Variants in CSGALNACT2 observed in about 807,000 individuals in gnomAD.
CSGALNACT2 encodes beta 4 GalNAcT-2.
A neutral mutation model predicts 55.3 loss-of-function variants in CSGALNACT2; 35 were observed. The ratio of observed to expected loss-of-function variants is 0.63; its 90% CI spans 0.48 to 0.84. CSGALNACT2 has a LOEUF of 0.84. Ranked by LOEUF, CSGALNACT2 falls within the 40% of genes least tolerant of loss-of-function variation. CSGALNACT2 has a pLI of 0.00. For synonymous variants in CSGALNACT2, 196 were observed against 224.9 expected (o/e 0.87, Z 1.15); for missense variants, 544 against 657.5 (o/e 0.83, Z 1.89).
intron 5 of CSGALNACT2, among the ~76,000 whole-genome samples, chr10:43,165,467 T>C (rs1839244767): frequency 6.6e-6 from 1 of 152,106 alleles, no homozygotes; most frequent in South Asian, 2.1e-4. Context: ...AACATAATGT[T>C]GTACACCATT....
At chr10:43,172,080 G>C (rs773201795) in intron 6 of CSGALNACT2, among the ~76,000 whole-genome samples, 1 of 152,164 alleles carries the variant, frequency 6.6e-6, no homozygotes, top group Non-Finnish European at 1.5e-5. Context: ...TCTCTGAGTC[G>C]AGTTCTAAAC....
intron 4 of CSGALNACT2, chr10:43,163,662 G>A (rs1048834806): frequency 1.0e-6 from 1 of 985,288 alleles, no homozygotes; most frequent in African/African-American, 1.7e-5. Context: ...CCACCAACAT[G>A]TGCCTCAAAT....
intron 1 of CSGALNACT2, among the ~76,000 whole-genome samples, chr10:43,148,839 T>C (rs1197167586): frequency 6.6e-6 from 1 of 152,226 alleles, no homozygotes; most frequent in Non-Finnish European, 1.5e-5. Flanking sequence ...AGGATAGTTT[T>C]ACTTCTTCCT....
chr10:43,158,649 C>CT, intron 2 of CSGALNACT2, 66 bp from the exon 3 acceptor site: 1 of 932,046 alleles, frequency 1.1e-6, no homozygotes, highest in Non-Finnish European at 1.7e-6. Flanking sequence ...TGAGTAAAAT[C>CT]TGTCTTCCCA....
intron 2 of CSGALNACT2, among the ~76,000 whole-genome samples, chr10:43,157,836 C>G (rs1452578826): frequency 6.6e-6 from 1 of 151,986 alleles, no homozygotes; most frequent in African/African-American, 2.4e-5. Context: ...CAAGACCATC[C>G]TGGCCAACAT....
chr10:43,163,661 T>G, intron 4 of CSGALNACT2: 1 of 985,458 alleles, frequency 1.0e-6, no homozygotes, highest in African/African-American at 1.7e-5. Context: ...ACCACCAACA[T>G]GTGCCTCAAA....
Position 43,169,117 on chromosome 10 carries a change from C to T in CSGALNACT2, c.1254+2019C>T, listed in dbSNP as rs1406894543. Among the ~76,000 whole-genome samples the T allele has an allele frequency of 3.3e-5, 5 of 152,156 alleles. No homozygotes were observed. In the South Asian group the frequency reaches 6.2e-4, roughly 19 times the overall value. Reference sequence around the variant, plus strand: ...GGTCCCTGGAGCTGGAGAGGCTGGTCGGGGTGGCTAGGGAGCCCCTAGACT... The same window carrying T: ...GGTCCCTGGAGCTGGAGAGGCTGGTTGGGGTGGCTAGGGAGCCCCTAGACT... On this transcript the variant is annotated intron_variant, in intron 6 of 7. Coordinates refer to ENST00000374466, the MANE Select transcript of CSGALNACT2 (RefSeq NM_018590.5).
At chr10:43,150,152 T>G (rs566657796) in intron 1 of CSGALNACT2, among the ~76,000 whole-genome samples, 134 of 152,328 alleles carry the variant, frequency 8.8e-4, no homozygotes, top group African/African-American at 3.1e-3. Flanking sequence ...TTGTGAGTAG[T>G]TTTTTTATTA....
At position 43,157,791 on chromosome 10, in the gene CSGALNACT2, G is replaced by A. The variant is rs539220245; in HGVS notation, c.662-924G>A. 2.3e-3 allele frequency among the ~76,000 whole-genome samples: 353 copies of A among 152,222 alleles called. 1 individual carries two copies. The highest frequency in any genetic ancestry group is 6.8e-3 in the Middle Eastern group (2 of 294). On this transcript the variant is annotated intron_variant, in intron 2 of 7. Transcript: ENST00000374466. Reference sequence around the variant, plus strand: ...CACTCCTGTAATCCCAGCACTTTGGGAGGCCGAGGTGGGCAGATTATGAGG... The same window carrying A: ...CACTCCTGTAATCCCAGCACTTTGGAAGGCCGAGGTGGGCAGATTATGAGG...
At chr10:43,143,533 G>A (rs1362952069) in intron 1 of CSGALNACT2, among the ~76,000 whole-genome samples, 1 of 148,384 alleles carries the variant, frequency 6.7e-6, no homozygotes, top group Non-Finnish European at 1.5e-5. Context: ...GTGTGTGTGT[G>A]TGTGGAATCA....
intron 1 of CSGALNACT2, among the ~76,000 whole-genome samples, chr10:43,147,782 C>CTTTTTTTT (rs372639057): frequency 1.8e-4 from 19 of 108,094 alleles, no homozygotes; most frequent in African/African-American, 2.5e-4. Flanking sequence ...GTCGAGTTAT[C>CTTTTTTTT]TTTTTTTTTT....
At chr10:43,179,989 A>C (rs558993812) in intron 7 of CSGALNACT2, among the ~76,000 whole-genome samples, 1 of 152,136 alleles carries the variant, frequency 6.6e-6, no homozygotes, top group Non-Finnish European at 1.5e-5. Context: ...GGGGGAAAAA[A>C]TCCATGAGGT....
Position 43,176,715 on chromosome 10 carries a change from C to T in CSGALNACT2, c.1336+683C>T, listed in dbSNP as rs558035040. ...AAGTAGCTGTGACCACAGGCGTGCA[C>T]CACCACACCCAGTTAATTTTTTTGT... is the stretch of plus-strand genomic sequence containing the variant. On this transcript the variant is annotated intron_variant, in intron 7 of 7. Coordinates refer to ENST00000374466, the MANE Select transcript of CSGALNACT2 (RefSeq NM_018590.5). 7.9e-5 allele frequency among the ~76,000 whole-genome samples: 12 copies of T among 152,296 alleles called. No homozygotes were observed. The East Asian group carries it at 2.3e-3, about 29-fold the overall frequency.
At chr10:43,141,379 G>T (rs12264427) in intron 1 of CSGALNACT2, among the ~76,000 whole-genome samples, 1 of 132,986 alleles carries the variant, frequency 7.5e-6, no homozygotes, top group East Asian at 2.0e-4. Context: ...CACCATGCCC[G>T]GCTAATTTTT....
chr10:43,163,483 A>G, intron 4 of CSGALNACT2: 6 of 983,288 alleles, frequency 6.1e-6, no homozygotes, highest in Admixed American at 6.1e-5. Flanking sequence ...CATGTGTGCA[A>G]AGACCTAACG....
intron 1 of CSGALNACT2, among the ~76,000 whole-genome samples, chr10:43,145,897 A>C (rs187849572): frequency 6.6e-6 from 1 of 152,154 alleles, no homozygotes; most frequent in East Asian, 1.9e-4. Flanking sequence ...ATGTGCTTTC[A>C]TTTCTTTTAG....
chr10:43,160,628 A>T lies in CSGALNACT2; in HGVS notation c.980+33A>T, dbSNP rs778963845. The T allele has an allele frequency of 1.0e-5, 9 of 858,582 alleles. 1 individual carries two copies. The South Asian group carries it at 1.2e-4, about 12-fold the overall frequency. The allele number at this position is 858,582 out of a possible 1,614,324, so 53.2% of individuals were successfully genotyped here. On this transcript the variant is annotated intron_variant, in intron 4 of 7. Coordinates refer to ENST00000374466, the MANE Select transcript of CSGALNACT2 (RefSeq NM_018590.5). ...AACCACATCTGCAGTGAAGGCCTTGATATATAACATTGCTAAAAGAGAATT... is the reference window on the plus strand; with the variant it reads ...AACCACATCTGCAGTGAAGGCCTTGTTATATAACATTGCTAAAAGAGAATT...
Position 43,162,778 on chromosome 10 carries a change from TG to T in CSGALNACT2, c.981-1087del, listed in dbSNP as rs201948005. 523 of 900,556 alleles carry T rather than the reference TG, an allele frequency of 5.8e-4. 2 individuals carry two copies. The African/African-American group carries it at 8.7e-3, about 15-fold the overall frequency. 55.8% of individuals were successfully genotyped at this position (900,556 alleles called of 1,614,324 possible). A position where few individuals can be genotyped will look rare whatever the true frequency, so the allele number is the denominator to read the frequency against. ...GAGGCTTCTCTCCAGCCCTAGCATC[TG>T]ATTCAGTGGGTCTGGCTGTAGTCTG... On this transcript the variant is annotated intron_variant, in intron 4 of 7. Coordinates refer to ENST00000374466, the MANE Select transcript of CSGALNACT2 (RefSeq NM_018590.5).
chr10:43,141,897 C>G (rs1190174367), intron 1 of CSGALNACT2, among the ~76,000 whole-genome samples: 1 of 152,128 alleles, frequency 6.6e-6, no homozygotes, highest in Non-Finnish European at 1.5e-5. Context: ...GTTTCTTTGT[C>G]TGTACAGTGG....
Sources: allele counts gnomAD v4.1 joint callset (sites outside exome capture counted in the v4.1 genomes callset), GRCh38; gene constraint gnomAD v4.1.1; transcripts MANE v1.5; gene names NCBI Gene and HGNC (gene_info 2026-07-23, HGNC 2026-07-21).